GSG1: variants seen among roughly 807,000 people sequenced by gnomAD.
GSG1 encodes germ cell-specific gene 1 protein.
In GSG1, 28 loss-of-function variants were observed where a neutral mutation model predicts 30.8. That is an observed-to-expected ratio of 0.91 (90% CI 0.67 to 1.25). The LOEUF (loss-of-function observed/expected upper bound fraction) is 1.25, where lower values mean the gene tolerates loss of function less well. Ranked by LOEUF, GSG1 falls within the 50% of genes most tolerant of loss-of-function variation. The pLI is 0.00. For missense variants in GSG1, 435 were observed against 444.7 expected (o/e 0.98, Z 0.20); for synonymous variants, 162 against 178.0 (o/e 0.91, Z 0.71).
rs139963932 is a variant in GSG1, at chr12:13,084,952, G to C, written c.1038C>G (p.Ser346Arg). Residue 346 changes from serine (S) to arginine (R), a missense_variant, in exon 7 of 7, where the codon AGC (serine) becomes AGG (arginine). Transcript: ENST00000651961. ...ACCTAACTGCTTCTTTCAGCTCCTG[G>C]CTGGCCCCTCTTTGAAATCCCTTGT... ...LRNKGFQRGASQELKEAVRSS... is the reference protein window; with the variant it reads ...LRNKGFQRGARQELKEAVRSS... 25 of 1,551,796 alleles carry C rather than the reference G, an allele frequency of 1.6e-5. No individual in the cohort carries two copies. The African/African-American group carries it at 3.3e-4, about 20-fold the overall frequency.
Position 13,085,181 on chromosome 12 carries a change from G to T in GSG1, c.809C>A (p.Thr270Asn), listed in dbSNP as rs1306190995. 1.2e-6 allele frequency: 2 copies of T among 1,613,906 alleles called. No individual in the cohort carries two copies. The highest frequency in any genetic ancestry group is 2.2e-5 in the East Asian group (1 of 44,900). Residue 270 changes from threonine (T) to asparagine (N), a missense_variant, in exon 7 of 7, where the codon ACC becomes AAC. Coordinates refer to ENST00000651961, the MANE Select transcript of GSG1 (RefSeq NM_001080555.4). ...GCACTTGAACTCCAGCACCATCCTGGTGTACGTGTTGAAGGTGGTGACAGC... is the reference window on the plus strand; with the variant it reads ...GCACTTGAACTCCAGCACCATCCTGTTGTACGTGTTGAAGGTGGTGACAGC... Reference protein sequence around the residue: ...ASAVTTFNTYTRMVLEFKCKH... With the variant: ...ASAVTTFNTYNRMVLEFKCKH...
intron 1 of GSG1, 87 bp from the exon 2 acceptor site, chr12:13,090,905 A>C (rs1591636936): frequency 1.8e-6 from 2 of 1,122,190 alleles, no homozygotes; most frequent in Non-Finnish European, 2.6e-6. Flanking sequence ...CCTTCCCTGC[A>C]CTCCCTCCGC....
rs184964813 is a variant in GSG1 at position 13,095,614 on chromosome 12, C to T, written c.49-4796G>A. On this transcript the variant is annotated intron_variant, in intron 1 of 6. Transcript: ENST00000651961. ...AGCCGGTTACCTTGGCCATGGTCAG[C>T]GTCTTGCAGCTTGTCTGGAAGAACC... 1.4e-4 allele frequency: 231 copies of T among 1,614,192 alleles called. No homozygotes were observed. The East Asian group carries it at 4.3e-3, about 30-fold the overall frequency.
intron 1 of GSG1, among the ~76,000 whole-genome samples, 177 bp downstream of exon 1, chr12:13,103,287 TG>T (rs1241561320): frequency 3.9e-5 from 6 of 152,222 alleles, no homozygotes; most frequent in Non-Finnish European, 8.8e-5. Context: ...CTATGAAAAC[TG>T]GGCTGAGTGA....
intron 2 of GSG1, among the ~76,000 whole-genome samples, chr12:13,089,552 G>T (rs1865884170): frequency 6.6e-6 from 1 of 152,198 alleles, no homozygotes; most frequent in Non-Finnish European, 1.5e-5. Flanking sequence ...GCACTGAGGG[G>T]CAGGAGACCT....
rs886443181 is a variant in GSG1, at chr12:13,101,082, G to C, written c.48+2383C>G. ...CCCCAAGCAGCTGGAGTGAATCAGA[G>C]GGGCAGCCACATCTGCACATCCTGT... is the stretch of plus-strand genomic sequence containing the variant. On this transcript the variant is annotated intron_variant, in intron 1 of 6. Transcript: ENST00000651961. This position sits in a 1 kb window ranked among gnomAD's most constrained non-coding sequence, Gnocchi z 5.8. Among the ~76,000 whole-genome samples, 5 of 152,234 alleles carry C rather than the reference G, an allele frequency of 3.3e-5. No homozygotes were observed. The highest frequency in any genetic ancestry group is 1.9e-4 in the East Asian group (1 of 5,184).
intron 6 of GSG1, among the ~76,000 whole-genome samples, chr12:13,086,157 T>G (rs1306640560): frequency 6.6e-6 from 1 of 152,156 alleles, no homozygotes; most frequent in Non-Finnish European, 1.5e-5. Flanking sequence ...ATGCAGTAGG[T>G]TCAGTCTGGG....
Position 13,093,403 on chromosome 12 carries a change from AT to A in GSG1, c.49-2586del, listed in dbSNP as rs1432885884. 1.3e-5 allele frequency among the ~76,000 whole-genome samples: 2 copies of A among 152,160 alleles called. No homozygotes were observed. The highest frequency in any genetic ancestry group is 1.3e-4 in the Admixed American group (2 of 15,280). On this transcript the variant is annotated intron_variant, in intron 1 of 6. Transcript: ENST00000651961. This position sits in a 1 kb window ranked among gnomAD's most constrained non-coding sequence, Gnocchi z 4.6. ...GATTCCTCTGAAAGGAGTCATAGCA[AT>A]GAATATTAAACTGGAAATCTCCGGG...
intron 2 of GSG1, 83 bp from the exon 3 acceptor site, chr12:13,089,359 G>T: frequency 6.5e-7 from 1 of 1,542,744 alleles, no homozygotes; most frequent in Non-Finnish European, 8.7e-7. Context: ...CTGAAATAGG[G>T]AGAAGTAGCA....
chr12:13,095,220 G>A (rs1209156861), intron 1 of GSG1, among the ~76,000 whole-genome samples: 1 of 152,088 alleles, frequency 6.6e-6, no homozygotes, highest in East Asian at 1.9e-4. Context: ...TTCCTGCTAG[G>A]GTCGGGATAC....
chr12:13,095,537 G>A (rs1591651544), intron 1 of GSG1: 1 of 1,504,786 alleles, frequency 6.6e-7, no homozygotes. Context: ...CTTCTTAAAA[G>A]AGCCAGGTAC....
chr12:13,091,119 G>A (rs1866092457), intron 1 of GSG1, among the ~76,000 whole-genome samples: 1 of 152,168 alleles, frequency 6.6e-6, no homozygotes, highest in Non-Finnish European at 1.5e-5. Context: ...CTTTCCCAAG[G>A]CTAGCCACAG....
chr12:13,100,132 TATGAATGAATGAATGAATGA>T (rs35956952), intron 1 of GSG1, among the ~76,000 whole-genome samples: 1 of 151,176 alleles, frequency 6.6e-6, no homozygotes, highest in African/African-American at 2.4e-5. Context: ...TTTTAACATC[TATGAATGAATGAATGAATGA>T]ATGAATGAAT....
intron 1 of GSG1, among the ~76,000 whole-genome samples, chr12:13,099,268 C>T (rs572742743): frequency 6.6e-6 from 1 of 152,288 alleles, no homozygotes; most frequent in African/African-American, 2.4e-5. Context: ...TCTTCCTTTT[C>T]CTCTCTTAGA....
rs771259472 is a variant in GSG1 at position 13,085,223 on chromosome 12, G to T, written c.767C>A (p.Thr256Asn). Residue 256 changes from threonine (T) to asparagine (N), a missense_variant, in exon 7 of 7, where the codon ACC (threonine) becomes AAC (asparagine). By Grantham distance (65) the Thr-to-Asn change is moderately conservative (BLOSUM62 0). Transcript: ENST00000651961. ...GGTGACAGCCGACGCCATGCAGCAG[G>T]TGAAGGAGAGCCAGGCCATGCTAGG... is the stretch of plus-strand genomic sequence containing the variant. ...WAFYMAWLSF[T>N]CCMASAVTTF... The T allele has an allele frequency of 7.5e-6, 12 of 1,606,992 alleles. No homozygotes were observed. In the African/African-American group the frequency reaches 1.2e-4, roughly 16 times the overall value.
rs555696972 is a variant in GSG1 at position 13,084,189 on chromosome 12, G to A, written c.*712C>T. The A allele has an allele frequency of 6.6e-6, 1 of 152,240 alleles. No individual in the cohort carries two copies. The highest frequency in any genetic ancestry group is 6.5e-5 in the Admixed American group (1 of 15,306). 9.4% of individuals were successfully genotyped at this position (152,240 alleles called of 1,614,324 possible). A position where few individuals can be genotyped will look rare whatever the true frequency, so the allele number is the denominator to read the frequency against. On this transcript the variant is annotated 3_prime_UTR_variant, in exon 7 of 7. Transcript: ENST00000651961. The stretch of plus-strand genomic sequence containing the variant: ...AGGTGGGATCCAGAGAGGAGCCTAT[G>A]CCCCCTTGTTCACTGGGAAGTCCCT...
At chr12:13,099,741 TTTTTTTTTG>T (rs1293174219) in intron 1 of GSG1, among the ~76,000 whole-genome samples, 1 of 112,824 alleles carries the variant, frequency 8.9e-6, no homozygotes, top group Non-Finnish European at 1.7e-5. Flanking sequence ...GGATCCGGTG[TTTTTTTTTG>T]TTTTTTTTTT....
chr12:13,084,715 C>A lies in GSG1; in HGVS notation c.*186G>T. 1 of 505,054 alleles carries A rather than the reference C, an allele frequency of 2.0e-6. No individual in the cohort carries two copies. Among genetic ancestry groups the A allele is most frequent in the East Asian group, 3.0e-5 (1 of 33,442 alleles). The allele number at this position is 505,054 out of a possible 1,614,324, so 31.3% of individuals were successfully genotyped here. A position where few individuals can be genotyped will look rare whatever the true frequency, so the allele number is the denominator to read the frequency against. ...GTGGGGTGGGTGAAACAAGATGGAG[C>A]TGTAGAGGAAAAGAGAGCAGTGGCA... On this transcript the variant is annotated 3_prime_UTR_variant, in exon 7 of 7. Transcript: ENST00000651961.
Position 13,088,897 on chromosome 12 carries a change from C to G in GSG1, c.446G>C (p.Arg149Pro). ...TGGTGGTGTAAGTTCAATGAAACTT[C>G]GGCACCTCTCCCCTGAAACATACAA... ...GTAAAKGERC[R>P]SFIELTPPAK... The change falls in exon 4 of 7, where the codon CGA becomes CCA. Residue 149 changes from arginine to proline, a missense_variant. By Grantham distance (103) the Arg-to-Pro change is moderately radical. Coordinates refer to ENST00000651961, the MANE Select transcript of GSG1 (RefSeq NM_001080555.4). 1 of 1,614,124 alleles carries G rather than the reference C, an allele frequency of 6.2e-7. No individual in the cohort carries two copies. The highest frequency in any genetic ancestry group is 8.5e-7 in the Non-Finnish European group (1 of 1,180,008).
Sources: allele counts gnomAD v4.1 joint callset (sites outside exome capture counted in the v4.1 genomes callset), GRCh38; gene constraint gnomAD v4.1.1; non-coding constraint Gnocchi (gnomAD v3.1); transcripts MANE v1.5; gene names NCBI Gene and HGNC (gene_info 2026-07-23, HGNC 2026-07-21).